OCA2: variants seen among roughly 807,000 people sequenced by gnomAD.
OCA2 encodes the protein OCA2 melanosomal transmembrane protein.
In OCA2, 77 loss-of-function variants were observed where a neutral mutation model predicts 100.2. The observed-to-expected ratio is 0.77, with a 90% confidence interval of 0.64 to 0.93. OCA2 has a LOEUF of 0.93. Among genes scored for constraint, OCA2 ranks in the 40% least tolerant of loss-of-function variants. The pLI is 0.00. For missense variants in OCA2, 1,062 were observed against 1,089.1 expected (o/e 0.98, Z 0.35); for synonymous variants, 432 against 439.2 (o/e 0.98, Z 0.21).
chr15:27,868,624 T>C (rs1424424610), intron 21 of OCA2, among the ~76,000 whole-genome samples: 1 of 152,104 alleles, frequency 6.6e-6, no homozygotes, highest in Non-Finnish European at 1.5e-5. Flanking sequence ...GATGGGTACA[T>C]TCCAGGGGCC....
chr15:27,945,412 G>T (rs2039797609), intron 18 of OCA2, among the ~76,000 whole-genome samples: 1 of 152,144 alleles, frequency 6.6e-6, no homozygotes, highest in African/African-American at 2.4e-5. Context: ...GCACTATTCT[G>T]CCATGAGCAG....
chr15:27,920,463 C>T (rs1298112671), intron 19 of OCA2, among the ~76,000 whole-genome samples: 1 of 152,014 alleles, frequency 6.6e-6, no homozygotes, highest in African/African-American at 2.4e-5. Flanking sequence ...TGCTAAAATA[C>T]ATTATCTAAA....
At position 27,766,928 on chromosome 15, in the gene OCA2, AC is replaced by A. The variant is rs1428035921; in HGVS notation, c.2433-11457del. On this transcript the variant is annotated intron_variant, in intron 23 of 23. Transcript: ENST00000354638. ...TGGAGAGGATTTTCCTGTCCTGCCCACTGCTCCTGGACCGCCCTGTATGAAA... is the reference window on the plus strand; with the variant it reads ...TGGAGAGGATTTTCCTGTCCTGCCCATGCTCCTGGACCGCCCTGTATGAAA... Among the ~76,000 whole-genome samples, 3 of 152,156 alleles carry A rather than the reference AC, an allele frequency of 2.0e-5. No individual in the cohort carries two copies. In the East Asian group the frequency reaches 5.8e-4, roughly 29 times the overall value.
chr15:27,977,850 A>G (rs2041020363), intron 14 of OCA2, among the ~76,000 whole-genome samples: 1 of 152,210 alleles, frequency 6.6e-6, no homozygotes, highest in Non-Finnish European at 1.5e-5. Context: ...ACATGAGGAC[A>G]CAGTGAGAGA....
intron 9 of OCA2, among the ~76,000 whole-genome samples, chr15:28,012,551 G>A (rs914811491): frequency 4.6e-5 from 7 of 152,100 alleles, no homozygotes; most frequent in East Asian, 1.9e-4. Context: ...AAACCATGTC[G>A]AACTGGCCTC....
intron 3 of OCA2, among the ~76,000 whole-genome samples, chr15:28,030,612 G>A (rs2141369279): frequency 6.6e-6 from 1 of 152,318 alleles, no homozygotes; most frequent in East Asian, 1.9e-4. Flanking sequence ...TGGCATGCAA[G>A]CACCCCTAAA....
chr15:28,019,199 G>A (rs1029966755), intron 6 of OCA2, among the ~76,000 whole-genome samples: 3 of 151,806 alleles, frequency 2.0e-5, no homozygotes, highest in Admixed American at 1.3e-4. Flanking sequence ...ATGGGAAAAA[G>A]GAGAGAATGA....
Position 27,790,839 on chromosome 15 carries a change from AGTATAGTGG to A in OCA2, c.2433-35376_2433-35368del, listed in dbSNP as rs1595414955. 4.0e-5 allele frequency among the ~76,000 whole-genome samples: 6 copies of A among 151,068 alleles called. No individual in the cohort carries two copies. In the East Asian group the frequency reaches 7.8e-4, roughly 20 times the overall value. On this transcript the variant is annotated intron_variant, in intron 23 of 23. Coordinates refer to ENST00000354638, the MANE Select transcript of OCA2 (RefSeq NM_000275.3). Reference sequence around the variant, plus strand: ...CAACTTGCTCTGTTGCCCAGGCTGAAGTATAGTGGCACAATCATAGCTCACTGCAGCCTC... The same window carrying A: ...CAACTTGCTCTGTTGCCCAGGCTGAACACAATCATAGCTCACTGCAGCCTC...
intron 1 of OCA2, among the ~76,000 whole-genome samples, chr15:28,087,738 C>A (rs1402772856): frequency 2.0e-5 from 3 of 151,992 alleles, no homozygotes; most frequent in Admixed American, 6.6e-5. Context: ...CAGAGTGAGA[C>A]CCTATCTCAA....
At chr15:27,889,676 G>A (rs1221529271) in intron 19 of OCA2, among the ~76,000 whole-genome samples, 3 of 152,210 alleles carry the variant, frequency 2.0e-5, no homozygotes, top group Non-Finnish European at 4.4e-5. Flanking sequence ...GGCATTCCGA[G>A]GTTATCAGGG....
Position 27,983,373 on chromosome 15 carries a change from A to G in OCA2, c.1475T>C (p.Ile492Thr). Residue 492 changes from isoleucine to threonine, a missense_variant, in exon 14 of 24, where the codon ATT (isoleucine) becomes ACT (threonine). Physicochemically the swap from Ile to Thr is moderately conservative, Grantham distance 89 (BLOSUM62 -1). Coordinates refer to ENST00000354638, the MANE Select transcript of OCA2 (RefSeq NM_000275.3). Reference protein sequence around the residue: ...TAIGDPPNVIIVSNQELRKMG... With the variant: ...TAIGDPPNVITVSNQELRKMG... ...CTTCCTCAGCTCTTGGTTGGAAACA[A>G]TAATGACATTTGGAGGGTCCCCGAT... 1 of 1,614,232 alleles carries G rather than the reference A, an allele frequency of 6.2e-7. No individual in the cohort carries two copies. Among genetic ancestry groups the G allele is most frequent in the Non-Finnish European group, 8.5e-7 (1 of 1,180,040 alleles).
In OCA2 at chr15:27,755,258, CTG is replaced by C. The variant is rs530046601; in HGVS notation, c.*128_*129del. 184 of 710,124 alleles carry C rather than the reference CTG, an allele frequency of 2.6e-4. 2 individuals are homozygous for C. The African/African-American group carries it at 2.9e-3, about 11-fold the overall frequency. The allele number at this position is 710,124 out of a possible 1,614,324, so 44.0% of individuals were successfully genotyped here. On this transcript the variant is annotated 3_prime_UTR_variant, in exon 24 of 24. Transcript: ENST00000354638. Reference sequence around the variant, plus strand: ...AGTGTTAGTGTCAAGGTCTATTCCACTGTGTCTCTGTAGCATCTCCAGGGTAA... The same window carrying C: ...AGTGTTAGTGTCAAGGTCTATTCCACTGTCTCTGTAGCATCTCCAGGGTAA...
intron 8 of OCA2, among the ~76,000 whole-genome samples, chr15:28,015,710 G>A (rs534118014): frequency 2.0e-5 from 3 of 152,276 alleles, no homozygotes; most frequent in South Asian, 2.1e-4. Context: ...GCCACCCAGT[G>A]TGTAGTACTA....
intron 1 of OCA2, among the ~76,000 whole-genome samples, chr15:28,091,167 A>C (rs1256022280): frequency 6.6e-6 from 1 of 152,222 alleles, no homozygotes; most frequent in Non-Finnish European, 1.5e-5. Context: ...ATAGCTCTGT[A>C]ATTTCTATTA....
At chr15:27,747,525 G>A in the OCA2 span, among the ~76,000 whole-genome samples, 1 of 152,248 alleles carries the variant, frequency 6.6e-6, no homozygotes, top group South Asian at 2.1e-4. Context: ...CCATGAAGTG[G>A]GCAGGCCGGC....
chr15:27,937,755 G>A (rs182927179), intron 18 of OCA2, among the ~76,000 whole-genome samples: 17 of 152,008 alleles, frequency 1.1e-4, no homozygotes, highest in African/African-American at 4.1e-4. Flanking sequence ...TTCTATTGGG[G>A]GGTTCTGTCT....
At chr15:27,936,773 G>A (rs895885307) in intron 18 of OCA2, among the ~76,000 whole-genome samples, 2 of 152,186 alleles carry the variant, frequency 1.3e-5, no homozygotes, top group African/African-American at 2.4e-5. Flanking sequence ...CAAGATACCC[G>A]CTGTAGCTGC....
chr15:27,816,475 C>T, intron 23 of OCA2, among the ~76,000 whole-genome samples: 1 of 152,150 alleles, frequency 6.6e-6, no homozygotes, highest in Non-Finnish European at 1.5e-5. Flanking sequence ...CAAGAAAGAC[C>T]AGACACCATG....
chr15:27,857,739 AAG>A (rs143660703), intron 21 of OCA2, among the ~76,000 whole-genome samples: 5,108 of 152,230 alleles, frequency 0.034, 282 homozygotes, highest in African/African-American at 0.11. Flanking sequence ...GATTTCCAGA[AAG>A]AGAAGATGGA....
Sources: allele counts gnomAD v4.1 joint callset (sites outside exome capture counted in the v4.1 genomes callset), GRCh38; gene constraint gnomAD v4.1.1; transcripts MANE v1.5; gene names NCBI Gene and HGNC (gene_info 2026-07-23, HGNC 2026-07-21).